Variants in DLGAP2 observed in about 807,000 individuals in gnomAD.
DLGAP2 encodes the protein disks large-associated protein 2.
In DLGAP2, 26 loss-of-function variants were observed where a neutral mutation model predicts 100.3. The ratio of observed to expected loss-of-function variants is 0.26; its 90% CI spans 0.19 to 0.36. The LOEUF is 0.36. Ranked by LOEUF, DLGAP2 falls within the 10% of genes least tolerant of loss-of-function variation. DLGAP2 has a pLI of 1.00. For synonymous variants in DLGAP2, 886 were observed against 630.1 expected (o/e 1.41, Z -6.08); for missense variants, 1,858 against 1,453.2 (o/e 1.28, Z -4.53).
At chr8:1,519,162 A>T (rs1191325962) in intron 4 of DLGAP2, among the ~76,000 whole-genome samples, 1 of 152,188 alleles carries the variant, frequency 6.6e-6, no homozygotes, top group African/African-American at 2.4e-5. Context: ...TTCAGCTGCA[A>T]TTGGGAAGAA....
At chr8:863,474 G>C (rs1310467771) in intron 1 of DLGAP2, among the ~76,000 whole-genome samples, 1 of 152,134 alleles carries the variant, frequency 6.6e-6, no homozygotes, top group Non-Finnish European at 1.5e-5. Context: ...CATTCCACTG[G>C]TGCGCACACC....
In DLGAP2 at chr8:1,678,484, C is replaced by T. The variant is rs2469695; in HGVS notation, c.2559C>T (p.Ile853=). 19 of 1,613,020 alleles carry T rather than the reference C, an allele frequency of 1.2e-5. No individual in the cohort carries two copies. The highest frequency in any genetic ancestry group is 6.7e-5 in the African/African-American group (5 of 74,878). ...CAGACCCCTGGCTGGAGCCCGCCAT[C>T]GACACGGTAGAGACTGGGAGGATGT... ...PPPDPWLEPA[I]DTVETGRMSP... is the part of the protein sequence containing the mutation. The change falls in exon 12 of 15, where the codon ATC becomes ATT. Residue 853 remains isoleucine, a synonymous_variant. Coordinates refer to ENST00000637795, the MANE Select transcript of DLGAP2 (RefSeq NM_001346810.2).
chr8:814,386 A>G (rs1796425080), intron 1 of DLGAP2, among the ~76,000 whole-genome samples: 1 of 152,192 alleles, frequency 6.6e-6, no homozygotes, highest in African/African-American at 2.4e-5. Context: ...GAATCCTTAC[A>G]AATAGCATAT....
At chr8:885,657 A>G (rs933354100) in intron 1 of DLGAP2, among the ~76,000 whole-genome samples, 3 of 152,132 alleles carry the variant, frequency 2.0e-5, no homozygotes, top group African/African-American at 7.2e-5. Context: ...TTCTAATACT[A>G]TTTGAATAAG....
At chr8:1,205,646 G>A (rs374988412) in intron 2 of DLGAP2, among the ~76,000 whole-genome samples, 88 of 152,220 alleles carry the variant, frequency 5.8e-4, no homozygotes, top group African/African-American at 2.0e-3. Flanking sequence ...AGCTCGCCTC[G>A]GGAAAGGCAC....
intron 2 of DLGAP2, among the ~76,000 whole-genome samples, chr8:1,039,648 TCAGCTCGGTGTGGGTGG>T (rs1802253283): frequency 4.2e-5 from 2 of 48,160 alleles, no homozygotes; most frequent in Non-Finnish European, 8.9e-5. Context: ...GTGTGCGTGG[TCAGCTCGGTGTGGGTGG>T]TCAGCTCGGT....
chr8:1,050,655 C>T (rs1214795517), intron 2 of DLGAP2, among the ~76,000 whole-genome samples: 4 of 152,200 alleles, frequency 2.6e-5, no homozygotes, highest in Non-Finnish European at 5.9e-5. Flanking sequence ...GATAATTCTT[C>T]CAACCCAGTC....
intron 3 of DLGAP2, among the ~76,000 whole-genome samples, chr8:1,288,393 T>A (rs1799987068): frequency 1.3e-5 from 2 of 148,874 alleles, no homozygotes; most frequent in Non-Finnish European, 3.0e-5. Context: ...TGCGTGTGTG[T>A]GTGTGTGGTT....
intron 3 of DLGAP2, among the ~76,000 whole-genome samples, chr8:1,451,452 A>G (rs1271279797): frequency 6.6e-6 from 1 of 152,110 alleles, no homozygotes; most frequent in South Asian, 2.1e-4. Context: ...CACGCTCTGA[A>G]AGGGCGCTGG....
chr8:1,191,270 A>C (rs1165040824), intron 2 of DLGAP2, among the ~76,000 whole-genome samples: 7 of 148,590 alleles, frequency 4.7e-5, no homozygotes, highest in African/African-American at 1.3e-4. Flanking sequence ...TCCCGGGTTC[A>C]GGCCATTCTC....
chr8:896,533 T>A, intron 1 of DLGAP2, among the ~76,000 whole-genome samples: 1 of 152,132 alleles, frequency 6.6e-6, no homozygotes, highest in Non-Finnish European at 1.5e-5. Flanking sequence ...ATTCCTATGT[T>A]GAAGCCTTGG....
intron 3 of DLGAP2, among the ~76,000 whole-genome samples, chr8:1,352,732 G>T (rs193240582): frequency 1.3e-5 from 2 of 152,180 alleles, no homozygotes; most frequent in African/African-American, 4.8e-5. Context: ...AGCTCGCTGT[G>T]CCCTGCAAAT....
At chr8:1,039,818 G>T (rs77067732) in intron 2 of DLGAP2, among the ~76,000 whole-genome samples, 45 of 147,260 alleles carry the variant, frequency 3.1e-4, no homozygotes, top group Non-Finnish European at 4.8e-4. Context: ...GGTCGGCTCG[G>T]TGTGCATGGT....
chr8:1,318,237 G>T (rs186645502), intron 3 of DLGAP2, among the ~76,000 whole-genome samples: 210 of 152,292 alleles, frequency 1.4e-3, no homozygotes, highest in Middle Eastern at 0.014. Flanking sequence ...GAAGGGTCCT[G>T]TTTCAAACTT....
chr8:1,551,331 C>G (rs1001763736), intron 5 of DLGAP2, among the ~76,000 whole-genome samples: 2 of 152,184 alleles, frequency 1.3e-5, no homozygotes, highest in African/African-American at 4.8e-5. Context: ...ACATAGCTCT[C>G]TTGTTTTTGT....
chr8:1,647,539 CTTCACTAACT>C (rs1237388545), intron 8 of DLGAP2, among the ~76,000 whole-genome samples: 3 of 127,940 alleles, frequency 2.3e-5, no homozygotes, highest in Non-Finnish European at 3.3e-5. Context: ...GCATCTTTAT[CTTCACTAACT>C]TTCACTAACT....
chr8:1,061,373 A>G (rs1285776240), intron 2 of DLGAP2, among the ~76,000 whole-genome samples: 1 of 152,066 alleles, frequency 6.6e-6, no homozygotes, highest in African/African-American at 2.4e-5. Context: ...TGGAAGCTGA[A>G]ATGTGTGTAG....
At chr8:1,663,910 AAAG>A (rs1224547598) in intron 8 of DLGAP2, among the ~76,000 whole-genome samples, 7 of 152,232 alleles carry the variant, frequency 4.6e-5, no homozygotes, top group East Asian at 1.9e-4. Context: ...CTTGTAAAGA[AAAG>A]AAGAAGTCAG....
intron 1 of DLGAP2, among the ~76,000 whole-genome samples, chr8:788,973 C>G (rs1157835115): frequency 6.6e-6 from 1 of 152,222 alleles, no homozygotes; most frequent in African/African-American, 2.4e-5. Flanking sequence ...AGCAGGAACC[C>G]TATTTGCCAC....
Sources: allele counts gnomAD v4.1 joint callset (sites outside exome capture counted in the v4.1 genomes callset), GRCh38; gene constraint gnomAD v4.1.1; transcripts MANE v1.5; gene names NCBI Gene and HGNC (gene_info 2026-07-23, HGNC 2026-07-21).